The following NOX4 variants were observed in gnomAD, a reference collection of about 807,000 sequenced individuals.
The protein encoded by NOX4 is kidney oxidase-1.
In NOX4, 69 loss-of-function variants were observed where a neutral mutation model predicts 87.6. That is an observed-to-expected ratio of 0.79 (90% CI 0.65 to 0.96). The LOEUF is 0.96. NOX4 is among the 40% of genes least tolerant of loss of function. The pLI, the probability that NOX4 is intolerant of heterozygous loss-of-function variation, is 0.00. For synonymous variants in NOX4, 275 were observed against 238.2 expected, an observed-to-expected ratio of 1.15 and a Z score of -1.42; for missense variants, 680 against 681.5, an observed-to-expected ratio of 1.00 and a Z score of 0.02.
rs1027131822 is a variant in NOX4 at position 89,355,052 on chromosome 11, A to C, written c.1136-9T>G. ...TAAATCTCGAAATCGTTCTGTCAAAAGAAAAATAAACATCAAGCTGTGAAA... is the reference window on the plus strand; with the variant it reads ...TAAATCTCGAAATCGTTCTGTCAAACGAAAAATAAACATCAAGCTGTGAAA... On this transcript the variant is annotated splice_polypyrimidine_tract_variant and intron_variant, in intron 12 of 17. Coordinates refer to ENST00000263317, the MANE Select transcript of NOX4 (RefSeq NM_016931.5). 69 of 1,577,204 alleles carry C rather than the reference A, an allele frequency of 4.4e-5. No individual in the cohort carries two copies. The highest frequency in any genetic ancestry group is 5.7e-5 in the Non-Finnish European group (66 of 1,150,300).
At chr11:89,572,782 T>C in the NOX4 span, among the ~76,000 whole-genome samples, 75 of 152,284 alleles carry the variant, frequency 4.9e-4, no homozygotes, top group African/African-American at 1.5e-3. Flanking sequence ...ATATATCTCT[T>C]AAATAGTGTA....
chr11:89,370,411 C>T (rs1370011140), intron 12 of NOX4, among the ~76,000 whole-genome samples: 1 of 151,532 alleles, frequency 6.6e-6, no homozygotes, highest in African/African-American at 2.4e-5. Context: ...AACACAAACA[C>T]CTGTGGAATA....
chr11:89,476,599 T>C (rs1441599905), intron 2 of NOX4, among the ~76,000 whole-genome samples: 2 of 152,196 alleles, frequency 1.3e-5, no homozygotes, highest in Non-Finnish European at 2.9e-5. Context: ...TTTGTGCTCC[T>C]TTTTAAAAGA....
chr11:89,419,515 T>G (rs1344676898), intron 8 of NOX4, among the ~76,000 whole-genome samples: 3 of 151,938 alleles, frequency 2.0e-5, no homozygotes, highest in Non-Finnish European at 2.9e-5. Flanking sequence ...GGAAAAAATG[T>G]GCACTGTAGA....
Position 89,491,276 on chromosome 11 carries a change from G to T in NOX4, c.-30C>A. On this transcript the variant is annotated 5_prime_UTR_variant, in exon 1 of 18. Transcript: ENST00000263317. ...CCGGCCCCGCCGCGCTGCGCTCTGT[G>T]CCCGCCGGACCGAGAAGGAGCGGGC... 1.2e-6 allele frequency: 2 copies of T among 1,603,150 alleles called. No homozygotes were observed. Among genetic ancestry groups the T allele is most frequent in the Non-Finnish European group, 1.7e-6 (2 of 1,174,706 alleles).
At chr11:89,442,196 C>G (rs1462899993) in intron 5 of NOX4, among the ~76,000 whole-genome samples, 2 of 150,970 alleles carry the variant, frequency 1.3e-5, no homozygotes, top group African/African-American at 4.9e-5. Context: ...GAAATAAAGG[C>G]AGGGGAAATA....
chr11:89,504,396 G>A, the NOX4 span, among the ~76,000 whole-genome samples: 116 of 152,002 alleles, frequency 7.6e-4, no homozygotes, highest in African/African-American at 2.6e-3. Flanking sequence ...TTTAAGTAGG[G>A]ATGCAATGTT....
At position 89,335,934 on chromosome 11, in the gene NOX4, T is replaced by C. The variant is rs769686339; in HGVS notation, c.1527A>G (p.Gly509=). 6.3e-7 allele frequency: 1 copy of C among 1,590,882 alleles called. No homozygotes were observed. The highest frequency in any genetic ancestry group is 8.6e-7 in the Non-Finnish European group (1 of 1,167,186). The stretch of plus-strand genomic sequence containing the variant: ...TTGAATTCAGTGCATGATATTTTTC[T>C]CCAATTATCTTCTGCCAAAAAGAAA... ...SQTDGIQKII[G]EKYHALNSRL... Residue 509 remains glycine, a synonymous_variant, in exon 17 of 18, where the codon GGA becomes GGG. Transcript: ENST00000263317.
the NOX4 span, among the ~76,000 whole-genome samples, chr11:89,514,049 G>A: frequency 1.3e-5 from 2 of 151,950 alleles, no homozygotes; most frequent in Non-Finnish European, 2.9e-5. Flanking sequence ...AAATTACCCA[G>A]TATATGATAT....
intron 11 of NOX4, among the ~76,000 whole-genome samples, chr11:89,374,608 A>G (rs1175914317): frequency 2.0e-5 from 3 of 152,202 alleles, no homozygotes; most frequent in Admixed American, 1.3e-4. Flanking sequence ...GCCCAATAAA[A>G]AGACAAGACA....
chr11:89,432,730 T>G, intron 7 of NOX4, 54 bp downstream of exon 7: 4 of 1,321,812 alleles, frequency 3.0e-6, no homozygotes, highest in Admixed American at 3.5e-5. Context: ...TACTCAAGAC[T>G]TTTTCTAAAT....
At chr11:89,528,246 C>G in the NOX4 span, among the ~76,000 whole-genome samples, 1 of 152,126 alleles carries the variant, frequency 6.6e-6, no homozygotes, top group East Asian at 1.9e-4. Context: ...AAGTAACTAC[C>G]TTGCTTTTTA....
intron 11 of NOX4, among the ~76,000 whole-genome samples, chr11:89,379,372 T>TA (rs201827736): frequency 0.027 from 3,911 of 145,680 alleles, 95 homozygotes; most frequent in East Asian, 0.13. Context: ...GGCTCATCAT[T>TA]AAAAAAAAAA....
the NOX4 span, among the ~76,000 whole-genome samples, chr11:89,550,090 C>T: frequency 6.6e-6 from 1 of 152,110 alleles, no homozygotes; most frequent in African/African-American, 2.4e-5. Flanking sequence ...TTTCACAATG[C>T]TGGAACTAAT....
At chr11:89,551,593 GCTCT>G in the NOX4 span, among the ~76,000 whole-genome samples, 4 of 151,874 alleles carry the variant, frequency 2.6e-5, no homozygotes, top group Non-Finnish European at 5.9e-5. Context: ...ACATGATTTG[GCTCT>G]CTATCATTGG....
intron 13 of NOX4, among the ~76,000 whole-genome samples, chr11:89,345,067 A>C (rs1946157671): frequency 2.0e-5 from 3 of 152,180 alleles, no homozygotes; most frequent in African/African-American, 7.2e-5. Context: ...TAGAAACAAT[A>C]AACAAAAGGA....
rs141740697 is a variant in NOX4, at chr11:89,429,563, C to T, written c.548+3221G>A. The stretch of plus-strand genomic sequence containing the variant: ...ATCGCACAGAAATATAAACTACCAT[C>T]AGAGAATACTATAAACACCTCTACG... On this transcript the variant is annotated intron_variant, in intron 7 of 17. Coordinates refer to ENST00000263317, the MANE Select transcript of NOX4 (RefSeq NM_016931.5). Among the ~76,000 whole-genome samples, 236 of 152,246 alleles carry T rather than the reference C, an allele frequency of 1.6e-3. 1 individual carries two copies. Among genetic ancestry groups the T allele is most frequent in the African/African-American group, 5.5e-3 (229 of 41,542 alleles).
the NOX4 span, among the ~76,000 whole-genome samples, chr11:89,555,014 A>T: frequency 5.3e-5 from 8 of 151,808 alleles, no homozygotes; most frequent in African/African-American, 7.3e-5. Context: ...TTAAAAATTT[A>T]TCTTTTTAAA....
At chr11:89,507,220 G>A in the NOX4 span, among the ~76,000 whole-genome samples, 3 of 151,784 alleles carry the variant, frequency 2.0e-5, no homozygotes, top group South Asian at 2.1e-4. Context: ...GGATGGATAC[G>A]TGCATTATCT....
Sources: allele counts gnomAD v4.1 joint callset (sites outside exome capture counted in the v4.1 genomes callset), GRCh38; gene constraint gnomAD v4.1.1; transcripts MANE v1.5; gene names NCBI Gene and HGNC (gene_info 2026-07-23, HGNC 2026-07-21).